ADAMTS12: variants seen among roughly 807,000 people sequenced by gnomAD.
ADAMTS12 encodes ADAM metallopeptidase with thrombospondin type 1 motif 12.
A neutral mutation model predicts 167.8 loss-of-function variants in ADAMTS12; 118 were observed. That is an observed-to-expected ratio of 0.70 (90% CI 0.61 to 0.82). The LOEUF (loss-of-function observed/expected upper bound fraction) is 0.82, where lower values mean the gene tolerates loss of function less well. Ranked by LOEUF, ADAMTS12 falls within the 40% of genes least tolerant of loss-of-function variation. ADAMTS12 has a pLI of 0.00. For missense variants in ADAMTS12, 1,916 were observed against 1,998.8 expected (o/e 0.96, Z 0.79); for synonymous variants, 704 against 716.9 (o/e 0.98, Z 0.29).
intron 3 of ADAMTS12, among the ~76,000 whole-genome samples, chr5:33,716,933 A>G (rs1743637152): frequency 6.6e-6 from 1 of 152,112 alleles, no homozygotes; most frequent in Non-Finnish European, 1.5e-5. Context: ...ACTAAATCCT[A>G]CTCAGAGGAC....
At chr5:33,635,707 A>G (rs1418971301) in intron 12 of ADAMTS12, among the ~76,000 whole-genome samples, 2 of 152,202 alleles carry the variant, frequency 1.3e-5, no homozygotes, top group Non-Finnish European at 2.9e-5. Context: ...CACAGAAAAA[A>G]TGCTGCATAA....
intron 2 of ADAMTS12, among the ~76,000 whole-genome samples, chr5:33,813,382 A>C (rs1481189294): frequency 6.6e-6 from 1 of 152,112 alleles, no homozygotes; most frequent in East Asian, 1.9e-4. Flanking sequence ...TTTTTTGCAA[A>C]GTACTTGTTC....
At chr5:33,581,168 C>T (rs1421142416) in intron 18 of ADAMTS12, among the ~76,000 whole-genome samples, 3 of 152,224 alleles carry the variant, frequency 2.0e-5, no homozygotes, top group Non-Finnish European at 4.4e-5. Flanking sequence ...AGCTGTCAAG[C>T]CCTTCAGATG....
chr5:33,739,202 C>T (rs1283984683), intron 3 of ADAMTS12, among the ~76,000 whole-genome samples: 4 of 152,084 alleles, frequency 2.6e-5, no homozygotes, highest in East Asian at 1.9e-4. Context: ...CAGTGTGTGA[C>T]GTGACGAATG....
chr5:33,683,010 A>C lies in ADAMTS12; in HGVS notation c.915+8T>G. The C allele has an allele frequency of 6.2e-7, 1 of 1,611,576 alleles. No individual in the cohort carries two copies. Among genetic ancestry groups the C allele is most frequent in the Non-Finnish European group, 8.5e-7 (1 of 1,178,762 alleles). Reference sequence around the variant, plus strand: ...ATATAGCAGAAGAGTGAAGGGAAAAAATGTTACCTCTTCTTCTTCGAGTAG... The same window carrying C: ...ATATAGCAGAAGAGTGAAGGGAAAACATGTTACCTCTTCTTCTTCGAGTAG... On this transcript the variant is annotated splice_region_variant and intron_variant, in intron 5 of 23. Transcript: ENST00000504830.
At position 33,758,058 on chromosome 5, in the gene ADAMTS12, A is replaced by G. The variant is rs148528436; in HGVS notation, c.490-6510T>C. Among the ~76,000 whole-genome samples, 7 of 152,270 alleles carry G rather than the reference A, an allele frequency of 4.6e-5. No individual in the cohort carries two copies. In the East Asian group the frequency reaches 1.2e-3, roughly 25 times the overall value. On this transcript the variant is annotated intron_variant, in intron 2 of 23. Coordinates refer to ENST00000504830, the MANE Select transcript of ADAMTS12 (RefSeq NM_030955.4). ...TATGAATACTGATAGTAATTTATTA[A>G]CTCATTAAAGGATGTCATGTGTATT... is the stretch of plus-strand genomic sequence containing the variant.
chr5:33,568,876 A>G (rs141007305), intron 19 of ADAMTS12, among the ~76,000 whole-genome samples: 39 of 152,338 alleles, frequency 2.6e-4, no homozygotes, highest in African/African-American at 8.4e-4. Context: ...CTGGAAAATC[A>G]GGCCACTCCC....
intron 2 of ADAMTS12, among the ~76,000 whole-genome samples, chr5:33,777,369 T>C (rs1429066973): frequency 6.6e-6 from 1 of 151,982 alleles, no homozygotes; most frequent in Non-Finnish European, 1.5e-5. Flanking sequence ...CAAGAATAAT[T>C]CTACACACAA....
rs1465638488 is a variant in ADAMTS12 at position 33,545,969 on chromosome 5, C to A, written c.4446+90G>T. On this transcript the variant is annotated intron_variant, in intron 22 of 23. Coordinates refer to ENST00000504830, the MANE Select transcript of ADAMTS12 (RefSeq NM_030955.4). ...GGCACATGTATACCTATGTAACAAACCTGCACGTTGTGCACAGGTACCCTA... is the reference window on the plus strand; with the variant it reads ...GGCACATGTATACCTATGTAACAAAACTGCACGTTGTGCACAGGTACCCTA... 8 of 1,471,068 alleles carry A rather than the reference C, an allele frequency of 5.4e-6. No individual in the cohort carries two copies. The East Asian group carries it at 1.9e-4, about 35-fold the overall frequency. The allele number at this position is 1,471,068 out of a possible 1,614,324, so 91.1% of individuals were successfully genotyped here. A position where few individuals can be genotyped will look rare whatever the true frequency, so the allele number is the denominator to read the frequency against.
intron 2 of ADAMTS12, among the ~76,000 whole-genome samples, chr5:33,818,782 C>A (rs1375839506): frequency 6.6e-6 from 1 of 152,056 alleles, no homozygotes; most frequent in Non-Finnish European, 1.5e-5. Context: ...GCCAAACTTA[C>A]CAGTGTGAGG....
chr5:33,594,879 T>G (rs1747837122), intron 17 of ADAMTS12, among the ~76,000 whole-genome samples: 1 of 152,184 alleles, frequency 6.6e-6, no homozygotes, highest in Non-Finnish European at 1.5e-5. Flanking sequence ...TCTAACCTAG[T>G]TCTTGGATAT....
chr5:33,855,168 C>A (rs1749353805), intron 2 of ADAMTS12, among the ~76,000 whole-genome samples: 1 of 152,202 alleles, frequency 6.6e-6, no homozygotes, highest in African/African-American at 2.4e-5. Flanking sequence ...GGAAAAGGAA[C>A]CAGCAGAATT....
intron 5 of ADAMTS12, among the ~76,000 whole-genome samples, chr5:33,668,644 G>A (rs889134183): frequency 2.0e-5 from 3 of 152,034 alleles, no homozygotes; most frequent in Admixed American, 6.6e-5. Context: ...CACCACATCC[G>A]GCTACTTTTT....
At chr5:33,705,813 A>C (rs1743180268) in intron 3 of ADAMTS12, among the ~76,000 whole-genome samples, 1 of 150,946 alleles carries the variant, frequency 6.6e-6, no homozygotes, top group Non-Finnish European at 1.5e-5. Context: ...TGTTTCAAAA[A>C]ATAATAACAA....
chr5:33,548,521 G>GTTT (rs1745094125), intron 21 of ADAMTS12, among the ~76,000 whole-genome samples: 1 of 151,794 alleles, frequency 6.6e-6, no homozygotes, highest in Admixed American at 6.6e-5. Context: ...TTATTTTTTG[G>GTTT]CCTTCTTTCT....
intron 16 of ADAMTS12, among the ~76,000 whole-genome samples, chr5:33,608,197 T>C (rs990089052): frequency 6.6e-6 from 1 of 152,070 alleles, no homozygotes; most frequent in African/African-American, 2.4e-5. Context: ...GTGCCACACC[T>C]GGGAAGGAGG....
intron 12 of ADAMTS12, 93 bp from the exon 13 acceptor site, chr5:33,631,006 C>A: frequency 6.8e-7 from 1 of 1,465,284 alleles, no homozygotes; most frequent in South Asian, 1.3e-5. Context: ...CCCCAAGTGT[C>A]ATTTACTCTG....
chr5:33,728,102 G>A (rs1744052155), intron 3 of ADAMTS12, among the ~76,000 whole-genome samples: 1 of 152,208 alleles, frequency 6.6e-6, no homozygotes, highest in Non-Finnish European at 1.5e-5. Context: ...ACAGGCAACA[G>A]TTAAATGACT....
intron 5 of ADAMTS12, among the ~76,000 whole-genome samples, chr5:33,676,877 G>A (rs917690392): frequency 7.2e-5 from 11 of 152,084 alleles, no homozygotes; most frequent in African/African-American, 2.7e-4. Context: ...CCAAAAAAGA[G>A]TAGACTCAAC....
Sources: allele counts gnomAD v4.1 joint callset (sites outside exome capture counted in the v4.1 genomes callset), GRCh38; gene constraint gnomAD v4.1.1; transcripts MANE v1.5; gene names NCBI Gene and HGNC (gene_info 2026-07-23, HGNC 2026-07-21).